The following RICTOR variants were observed in gnomAD, a reference collection of about 807,000 sequenced individuals.
RICTOR encodes the protein rapamycin-insensitive companion of mTOR.
A neutral mutation model predicts 214.9 loss-of-function variants in RICTOR; 49 were observed. The observed-to-expected ratio is 0.23, with a 90% CI of 0.18 to 0.29. The LOEUF is 0.29. Among genes scored for constraint, RICTOR ranks in the 10% least tolerant of loss-of-function variants. The pLI, the probability that RICTOR is intolerant of heterozygous loss-of-function variation, is 1.00. For missense variants in RICTOR, 1,625 were observed against 2,047.0 expected (o/e 0.79, Z 3.98); for synonymous variants, 717 against 711.3 (o/e 1.01, Z -0.13).
At chr5:39,051,597 TA>T (rs1013216341) in intron 2 of RICTOR, among the ~76,000 whole-genome samples, 8 of 151,726 alleles carry the variant, frequency 5.3e-5, no homozygotes, top group African/African-American at 1.5e-4. Context: ...AAAATAAAAA[TA>T]AAAAAATTAG....
At position 38,949,868 on chromosome 5, in the gene RICTOR, G is replaced by A. The variant is rs1221571361; in HGVS notation, c.3980C>T (p.Ala1327Val). 6.2e-7 allele frequency: 1 copy of A among 1,613,416 alleles called. No homozygotes were observed. The highest frequency in any genetic ancestry group is 1.1e-5 in the South Asian group (1 of 91,062). ...CNFSYTSSRD[A>V]FGYATLKRLQ... is the part of the protein sequence containing the mutation. ...TCTTTTCAGTGTAGCATAGCCAAAA[G>A]CATCTCTAGAACTTGTGTAACTAAA... Residue 1327 changes from alanine (A) to valine (V), a missense_variant, in exon 31 of 38, where the codon GCT becomes GTT. This residue lies in a region of RICTOR where 1,214 missense variants were observed against 1,470.5 expected (regional missense o/e 0.83). Transcript: ENST00000357387.
intron 4 of RICTOR, 112 bp from the exon 5 acceptor site, chr5:39,002,778 C>CT: frequency 9.7e-7 from 1 of 1,025,724 alleles, no homozygotes; most frequent in Non-Finnish European, 1.4e-6. Context: ...TAGTCATGCA[C>CT]AGAATTCTAA....
intron 3 of RICTOR, among the ~76,000 whole-genome samples, chr5:39,015,489 A>C (rs1164161021): frequency 6.6e-6 from 1 of 151,928 alleles, no homozygotes; most frequent in Non-Finnish European, 1.5e-5. Context: ...CCCAGGGAAC[A>C]TTTGGCAATA....
chr5:39,038,835 G>T (rs529314878), intron 2 of RICTOR, among the ~76,000 whole-genome samples: 1 of 152,038 alleles, frequency 6.6e-6, no homozygotes. Context: ...ACAAATGGAA[G>T]AACATTCCAT....
At chr5:38,967,536 G>C in intron 12 of RICTOR, 109 bp from the exon 13 acceptor site, 2 of 753,982 alleles carry the variant, frequency 2.7e-6, no homozygotes, top group Admixed American at 5.4e-5. Context: ...AAAAGTGCTG[G>C]TTAAATACCA....
intron 3 of RICTOR, among the ~76,000 whole-genome samples, chr5:39,005,153 GT>G (rs1166266536): frequency 6.6e-6 from 1 of 152,094 alleles, no homozygotes; most frequent in Non-Finnish European, 1.5e-5. Context: ...ATGTTTCTAG[GT>G]GTGGTTTCCT....
chr5:39,021,034 C>T lies in RICTOR; in HGVS notation c.195+5G>A. 7.2e-7 allele frequency: 1 copy of T among 1,395,078 alleles called. No individual in the cohort carries two copies. The allele number at this position is 1,395,078 out of a possible 1,614,324, so 86.4% of individuals were successfully genotyped here. A position where few individuals can be genotyped will look rare whatever the true frequency, so the allele number is the denominator to read the frequency against. On this transcript the variant is annotated splice_donor_5th_base_variant and intron_variant, in intron 3 of 37. Transcript: ENST00000357387. ...TAGACAATAATAAAAATTCAAGTTA[C>T]TTACCTTAGTAAAGTTATTCAGATG...
At chr5:39,017,792 T>C (rs1755078328) in intron 3 of RICTOR, among the ~76,000 whole-genome samples, 1 of 152,152 alleles carries the variant, frequency 6.6e-6, no homozygotes, top group Non-Finnish European at 1.5e-5. Flanking sequence ...CACAGTTCAA[T>C]TACTTGACAA....
At chr5:38,990,495 C>CATATATACGATATATACACGAT (rs1214810310) in intron 7 of RICTOR, among the ~76,000 whole-genome samples, 1,136 of 71,186 alleles carry the variant, frequency 0.016, 56 homozygotes, top group African/African-American at 0.052. Context: ...TAAAAAAATA[C>CATATATACGATATATACACGAT]ATATATACGA....
chr5:38,955,734 T>C (rs1344734906), intron 25 of RICTOR, 30 bp from the exon 26 acceptor site: 3 of 1,190,318 alleles, frequency 2.5e-6, no homozygotes, highest in South Asian at 2.4e-5. Context: ...TAATTGCACA[T>C]AGTATCACAA....
chr5:39,003,649 A>C (rs1170473888), intron 3 of RICTOR, 27 bp from the exon 4 acceptor site: 1 of 1,481,622 alleles, frequency 6.7e-7, no homozygotes, highest in Non-Finnish European at 9.4e-7. Context: ...ATAAGTGTGC[A>C]TTTATGTGTT....
At chr5:38,951,869 A>G (rs972132178) in intron 30 of RICTOR, among the ~76,000 whole-genome samples, 2 of 152,044 alleles carry the variant, frequency 1.3e-5, no homozygotes, top group African/African-American at 4.8e-5. Flanking sequence ...TAAAAAGATT[A>G]AATAAAGAAG....
rs2112859215 is a variant in RICTOR at position 38,950,690 on chromosome 5, C to A, written c.3158G>T (p.Gly1053Val). 6.2e-7 allele frequency: 1 copy of A among 1,601,298 alleles called. No homozygotes were observed. The highest frequency in any genetic ancestry group is 1.1e-5 in the South Asian group (1 of 88,950). The change falls in exon 31 of 38, where the codon GGC (glycine) becomes GTC (valine). Residue 1053 changes from glycine to valine, a missense_variant. By Grantham distance (109) the Gly-to-Val change is moderately radical. Transcript: ENST00000357387. ...GAAAAATGTGCTAGTAGAGCTGCTG[C>A]CAAACCGGTCATCCTCCAATATGAA... is the stretch of plus-strand genomic sequence containing the variant. ...SMFILEDDRF[G>V]SSSTSTFFLD...
Position 38,941,522 on chromosome 5 carries a change from T to C in RICTOR, c.*782A>G. The C allele has an allele frequency of 4.3e-6, 1 of 231,364 alleles. No individual in the cohort carries two copies. The highest frequency in any genetic ancestry group is 8.6e-6 in the Non-Finnish European group (1 of 116,642). The allele number at this position is 231,364 out of a possible 1,614,324, so 14.3% of individuals were successfully genotyped here. On this transcript the variant is annotated 3_prime_UTR_variant, in exon 38 of 38. Coordinates refer to ENST00000357387, the MANE Select transcript of RICTOR (RefSeq NM_152756.5). The stretch of plus-strand genomic sequence containing the variant: ...TGAAAGTGGAAGTCCATTGCAAATA[T>C]ATGCATTCTATAAATGGGAAATATT...
chr5:39,038,985 C>T lies in RICTOR; in HGVS notation c.98-17849G>A, dbSNP rs187552225. On this transcript the variant is annotated intron_variant, in intron 2 of 37. Transcript: ENST00000357387. ...AAACTACTTTAAAGTTCATATGGAA[C>T]CAAAAAAGAGCCCGCATTGCCAGGT... is the stretch of plus-strand genomic sequence containing the variant. Among the ~76,000 whole-genome samples, 484 of 152,176 alleles carry T rather than the reference C, an allele frequency of 3.2e-3. 21 individuals carry two copies. The East Asian group carries it at 0.087, about 27-fold the overall frequency.
chr5:39,068,572 G>GT (rs1028299182), intron 2 of RICTOR, among the ~76,000 whole-genome samples: 5 of 152,220 alleles, frequency 3.3e-5, no homozygotes, highest in South Asian at 2.1e-4. Context: ...GTTTTGTTTT[G>GT]TTTTTTTATT....
At chr5:38,944,838 T>G in intron 35 of RICTOR, 75 bp downstream of exon 35, 2 of 1,390,642 alleles carry the variant, frequency 1.4e-6, no homozygotes, top group East Asian at 2.3e-5. Context: ...TTACAGTATT[T>G]ACGAAAAACA....
chr5:39,073,129 A>C (rs565549079), intron 2 of RICTOR, among the ~76,000 whole-genome samples: 1 of 152,220 alleles, frequency 6.6e-6, no homozygotes, highest in African/African-American at 2.4e-5. Context: ...GTCTACAACA[A>C]GTTTTTTTGT....
intron 5 of RICTOR, among the ~76,000 whole-genome samples, chr5:38,998,534 G>A (rs943520417): frequency 2.0e-5 from 3 of 152,038 alleles, no homozygotes; most frequent in African/African-American, 7.3e-5. Context: ...ACAATATGAG[G>A]CACGGTTTAA....
Sources: gnomAD v4.1 joint callset for allele counts (sites outside exome capture counted in the v4.1 genomes callset) on GRCh38, gnomAD v4.1.1 for gene constraint, gnomAD v4.1.1 regional missense constraint, MANE v1.5 for transcripts, NCBI Gene and HGNC (gene_info 2026-07-23, HGNC 2026-07-21) for gene names.